Variants in IGSF11 observed in about 807,000 individuals in gnomAD.
The protein encoded by IGSF11 is immunoglobulin superfamily member 11, also known as CXADR like 1.
A neutral mutation model predicts 41.0 loss-of-function variants in IGSF11; 22 were observed. The ratio of observed to expected loss-of-function variants is 0.54; its 90% CI spans 0.38 to 0.77. The LOEUF is 0.77. Ranked by LOEUF, IGSF11 falls within the 30% of genes least tolerant of loss-of-function variation. The probability of loss-of-function intolerance (pLI) is 0.00; values close to 1 mark genes in which losing one functional copy is unlikely to be tolerated. For synonymous variants in IGSF11, 219 were observed against 201.3 expected (o/e 1.09, Z -0.74); for missense variants, 444 against 530.8 (o/e 0.84, Z 1.61).
intron 1 of IGSF11, among the ~76,000 whole-genome samples, chr3:118,967,755 A>G (rs564377852): frequency 6.6e-6 from 1 of 152,332 alleles, no homozygotes; most frequent in South Asian, 2.1e-4. Context: ...CAAGTAAATA[A>G]GCAAATGAGA....
At chr3:118,977,317 G>A (rs1442161706) in intron 1 of IGSF11, among the ~76,000 whole-genome samples, 1 of 152,066 alleles carries the variant, frequency 6.6e-6, no homozygotes, top group Non-Finnish European at 1.5e-5. Context: ...CAGCTTGCAG[G>A]GCCCTTGTGG....
chr3:118,963,616 A>G (rs1945482810), intron 1 of IGSF11, among the ~76,000 whole-genome samples: 2 of 152,176 alleles, frequency 1.3e-5, no homozygotes, highest in Admixed American at 1.3e-4. Context: ...AGTTCTGTTT[A>G]GTAGTACTGA....
chr3:119,022,099 A>G (rs974922254), intron 1 of IGSF11, among the ~76,000 whole-genome samples: 1 of 152,226 alleles, frequency 6.6e-6, no homozygotes, highest in African/African-American at 2.4e-5. Context: ...TTCAGCAATA[A>G]AAAGAAATGA....
intron 1 of IGSF11, among the ~76,000 whole-genome samples, chr3:118,983,849 T>C (rs1240570533): frequency 6.6e-6 from 1 of 152,238 alleles, no homozygotes; most frequent in Non-Finnish European, 1.5e-5. Flanking sequence ...ATAATTATTT[T>C]TATTTTTTTC....
intron 1 of IGSF11, chr3:118,983,511 G>A (rs1035893959): frequency 6.6e-6 from 1 of 152,160 alleles, no homozygotes; most frequent in African/African-American, 2.4e-5. Context: ...AAATAAAGAC[G>A]TAATACTGAG....
intron 1 of IGSF11, among the ~76,000 whole-genome samples, chr3:119,054,765 A>T (rs1941757205): frequency 6.6e-6 from 1 of 152,226 alleles, no homozygotes; most frequent in African/African-American, 2.4e-5. Context: ...CAATTACAAA[A>T]TTATGGAACC....
At chr3:119,042,592 C>T (rs1398161412) in intron 1 of IGSF11, among the ~76,000 whole-genome samples, 2 of 152,226 alleles carry the variant, frequency 1.3e-5, no homozygotes, top group South Asian at 2.1e-4. Flanking sequence ...CCACCTCCTA[C>T]CCCCCACAGT....
intron 1 of IGSF11, among the ~76,000 whole-genome samples, chr3:119,049,338 T>C (rs1484960528): frequency 2.0e-5 from 3 of 151,898 alleles, no homozygotes; most frequent in Non-Finnish European, 4.4e-5. Context: ...ATCACAAGCA[T>C]TCCTATACAC....
intron 1 of IGSF11, among the ~76,000 whole-genome samples, chr3:118,990,737 A>C (rs1935712804): frequency 6.6e-6 from 1 of 152,178 alleles, no homozygotes; most frequent in East Asian, 1.9e-4. Flanking sequence ...GGGCAACTTG[A>C]GGGTCTCCAC....
chr3:118,919,045 T>C (rs1941469150), intron 4 of IGSF11, among the ~76,000 whole-genome samples: 1 of 133,846 alleles, frequency 7.5e-6, no homozygotes, highest in Non-Finnish European at 1.5e-5. Flanking sequence ...CTGGGAAAAC[T>C]GGCTAGCCAT....
rs201998268 is a variant in IGSF11, at chr3:118,921,652, GT to G, written c.580+4448del. Among the ~76,000 whole-genome samples the G allele has an allele frequency of 4.4e-3, 675 of 152,252 alleles. 11 individuals carry two copies. Among genetic ancestry groups the G allele is most frequent in the African/African-American group, 0.015 (644 of 41,562 alleles). ...ACTAAGACACAAGGGCACATACCCA[GT>G]GATTCCTGGATTCAGGGTTCAAAAC... On this transcript the variant is annotated intron_variant, in intron 4 of 6. Coordinates refer to ENST00000393775, the MANE Select transcript of IGSF11 (RefSeq NM_001015887.3).
chr3:119,120,673 T>C (rs2077320172), intron 1 of IGSF11, among the ~76,000 whole-genome samples: 1 of 152,188 alleles, frequency 6.6e-6, no homozygotes, highest in African/African-American at 2.4e-5. Context: ...GTTATACAAA[T>C]GTGGCTTCTA....
At chr3:119,099,720 T>C (rs190851357) in intron 1 of IGSF11, among the ~76,000 whole-genome samples, 19 of 152,322 alleles carry the variant, frequency 1.2e-4, no homozygotes, top group Admixed American at 7.8e-4. Context: ...TTGAATGCCA[T>C]CAAGAAATCT....
At chr3:119,135,520 C>T (rs894034859) in intron 1 of IGSF11, among the ~76,000 whole-genome samples, 6 of 152,166 alleles carry the variant, frequency 3.9e-5, no homozygotes, top group African/African-American at 1.2e-4. Context: ...GAGATATCAT[C>T]TCACGCAGGT....
intron 1 of IGSF11, chr3:118,947,018 CTCT>C (rs1944201150): frequency 6.6e-6 from 1 of 152,156 alleles, no homozygotes; most frequent in Non-Finnish European, 1.5e-5. Context: ...TAAAATTATT[CTCT>C]TTTCTCTCCT....
chr3:119,057,786 T>G (rs1263113055), intron 1 of IGSF11, among the ~76,000 whole-genome samples: 1 of 152,076 alleles, frequency 6.6e-6, no homozygotes, highest in African/African-American at 2.4e-5. Flanking sequence ...TACAGACCAA[T>G]GGAACAGAAC....
chr3:119,029,141 A>G (rs1377340656), intron 1 of IGSF11, among the ~76,000 whole-genome samples: 2 of 147,284 alleles, frequency 1.4e-5, no homozygotes, highest in Non-Finnish European at 3.0e-5. Flanking sequence ...AGTGCCCAGC[A>G]TGGTAGACAT....
intron 1 of IGSF11, among the ~76,000 whole-genome samples, chr3:118,945,476 A>C (rs1425654135): frequency 1.3e-5 from 2 of 152,250 alleles, no homozygotes; most frequent in Non-Finnish European, 2.9e-5. Context: ...GGTGAAATTC[A>C]AAAATGAAAT....
chr3:119,025,467 T>TG (rs57954657), intron 1 of IGSF11, among the ~76,000 whole-genome samples: 23,440 of 150,626 alleles, frequency 0.16, 1,882 homozygotes, highest in East Asian at 0.19. Context: ...ACTTGCTGTA[T>TG]GTCAGGCACT....
Sources: allele counts gnomAD v4.1 joint callset (sites outside exome capture counted in the v4.1 genomes callset), GRCh38; gene constraint gnomAD v4.1.1; transcripts MANE v1.5; gene names NCBI Gene and HGNC (gene_info 2026-07-23, HGNC 2026-07-21).